The following SCNN1B variants were observed in gnomAD, a reference collection of about 807,000 sequenced individuals.
SCNN1B encodes the protein sodium channel epithelial 1 subunit beta, also known as epithelial sodium channel subunit beta.
In SCNN1B, 46 loss-of-function variants were observed where a neutral mutation model predicts 65.3. That is an observed-to-expected ratio of 0.70 (90% CI 0.56 to 0.90). The LOEUF is 0.90. Ranked by LOEUF, SCNN1B falls within the 40% of genes least tolerant of loss-of-function variation. The pLI, the probability that SCNN1B is intolerant of heterozygous loss-of-function variation, is 0.00. For synonymous variants in SCNN1B, 349 were observed against 330.6 expected, an observed-to-expected ratio of 1.06 and a Z score of -0.60; for missense variants, 751 against 830.5, an observed-to-expected ratio of 0.90 and a Z score of 1.18.
At chr16:23,339,971 A>G (rs1050884666) in intron 1 of SCNN1B, among the ~76,000 whole-genome samples, 3 of 152,094 alleles carry the variant, frequency 2.0e-5, no homozygotes, top group African/African-American at 7.2e-5. Context: ...CCTCACCAAT[A>G]CTAGATACTA....
intron 1 of SCNN1B, among the ~76,000 whole-genome samples, chr16:23,280,197 A>G (rs1960765349): frequency 6.6e-6 from 1 of 151,728 alleles, no homozygotes; most frequent in Admixed American, 6.6e-5. Flanking sequence ...CTTGAGAGGG[A>G]AGTATCATTT....
At chr16:23,326,111 A>T (rs920586962) in intron 1 of SCNN1B, among the ~76,000 whole-genome samples, 1 of 151,084 alleles carries the variant, frequency 6.6e-6, no homozygotes. Context: ...TGGAAGCTTA[A>T]CTTTTTTTTT....
At chr16:23,345,180 C>A (rs112677052) in intron 1 of SCNN1B, among the ~76,000 whole-genome samples, 2 of 152,276 alleles carry the variant, frequency 1.3e-5, no homozygotes, top group South Asian at 4.1e-4. Flanking sequence ...GAAGGTCTGA[C>A]CTTATACATC....
intron 1 of SCNN1B, among the ~76,000 whole-genome samples, chr16:23,325,146 T>G (rs1260460409): frequency 1.3e-5 from 2 of 152,168 alleles, no homozygotes; most frequent in African/African-American, 4.8e-5. Flanking sequence ...GTTCACTCCA[T>G]CCCCAGCAGG....
At chr16:23,345,243 A>T (rs1236720134) in intron 1 of SCNN1B, among the ~76,000 whole-genome samples, 5 of 152,232 alleles carry the variant, frequency 3.3e-5, no homozygotes, top group Non-Finnish European at 5.9e-5. Context: ...AGGGATACAG[A>T]GCTGCTGCCC....
intron 2 of SCNN1B, among the ~76,000 whole-genome samples, chr16:23,288,246 G>T (rs550788750): frequency 6.6e-6 from 1 of 151,866 alleles, no homozygotes; most frequent in South Asian, 2.1e-4. Flanking sequence ...AACTGCCCCC[G>T]TATCAGTTAT....
At chr16:23,331,642 A>G (rs1341411014) in intron 1 of SCNN1B, among the ~76,000 whole-genome samples, 1 of 152,122 alleles carries the variant, frequency 6.6e-6, no homozygotes, top group Admixed American at 6.5e-5. Context: ...TTATAAGTAC[A>G]CTAATCCCAC....
At chr16:23,357,851 G>C (rs1045344550) in intron 4 of SCNN1B, among the ~76,000 whole-genome samples, 1 of 152,206 alleles carries the variant, frequency 6.6e-6, no homozygotes, top group South Asian at 2.1e-4. Context: ...GGGCACACCC[G>C]CCAACCACAC....
intron 1 of SCNN1B, among the ~76,000 whole-genome samples, chr16:23,308,259 C>A (rs966219792): frequency 3.3e-5 from 5 of 151,540 alleles, no homozygotes; most frequent in Non-Finnish European, 7.4e-5. Flanking sequence ...GCAGTGGCTC[C>A]CACCTGGAAT....
At chr16:23,291,833 G>A (rs1960929964) in intron 2 of SCNN1B, among the ~76,000 whole-genome samples, 1 of 150,312 alleles carries the variant, frequency 6.7e-6, no homozygotes, top group South Asian at 2.1e-4. Flanking sequence ...CTCCCACCTC[G>A]GCCTCCCAAA....
chr16:23,358,892 G>A (rs1442472929), intron 4 of SCNN1B, among the ~76,000 whole-genome samples: 1 of 152,216 alleles, frequency 6.6e-6, no homozygotes, highest in African/African-American at 2.4e-5. Context: ...GGGCGACAGG[G>A]GGAGACTCTC....
chr16:23,347,202 T>C (rs889280204), intron 1 of SCNN1B, among the ~76,000 whole-genome samples: 1 of 152,152 alleles, frequency 6.6e-6, no homozygotes, highest in Non-Finnish European at 1.5e-5. Context: ...CAATCTTTCC[T>C]GTCATGTTTC....
At chr16:23,300,993 CGTGT>C (rs60930177), upstream of SCNN1B, among the ~76,000 whole-genome samples, 2,316 of 148,452 alleles carry the variant, frequency 0.016, 18 homozygotes, top group Middle Eastern at 0.031. Flanking sequence ...GTTAAAAACA[CGTGT>C]GTGTGTGTGT....
At chr16:23,349,530 A>G (rs1308838731) in intron 2 of SCNN1B, among the ~76,000 whole-genome samples, 3 of 152,210 alleles carry the variant, frequency 2.0e-5, no homozygotes, top group Non-Finnish European at 2.9e-5. Context: ...AGCCTGGGTA[A>G]CAGATGCTAT....
At chr16:23,288,493 A>C (rs1293925601) in intron 2 of SCNN1B, among the ~76,000 whole-genome samples, 1 of 152,104 alleles carries the variant, frequency 6.6e-6, no homozygotes. Context: ...GTGGTCTCTC[A>C]TGGTGCTGTG....
chr16:23,333,201 G>GGAAGGAAA (rs1283990315), intron 1 of SCNN1B, among the ~76,000 whole-genome samples: 6 of 96,400 alleles, frequency 6.2e-5, no homozygotes, highest in African/African-American at 2.6e-4. Flanking sequence ...AAGGAAGGAA[G>GGAAGGAAA]GAAGGAAGGA....
At chr16:23,343,651 A>AAAGAG (rs1567304517) in intron 1 of SCNN1B, among the ~76,000 whole-genome samples, 1 of 91,130 alleles carries the variant, frequency 1.1e-5, no homozygotes, top group African/African-American at 4.8e-5. Context: ...AAGAAAGAAA[A>AAAGAG]AAAGAAAGGA....
At chr16:23,310,256 C>T (rs1195494525) in intron 1 of SCNN1B, among the ~76,000 whole-genome samples, 1 of 128,954 alleles carries the variant, frequency 7.8e-6, no homozygotes, top group African/African-American at 3.0e-5. Context: ...ATTGCTGGGT[C>T]TGACTACATA....
intron 7 of SCNN1B, among the ~76,000 whole-genome samples, chr16:23,374,877 T>C (rs1596886121): frequency 1.3e-5 from 2 of 151,986 alleles, no homozygotes; most frequent in Admixed American, 6.6e-5. Context: ...CCTAGGAAAC[T>C]GGATAGGCAA....
Sources: allele counts gnomAD v4.1 joint callset (sites outside exome capture counted in the v4.1 genomes callset), GRCh38; gene constraint gnomAD v4.1.1; transcripts MANE v1.5; gene names NCBI Gene and HGNC (gene_info 2026-07-23, HGNC 2026-07-21).